Variants in GPHN observed in about 807,000 individuals in gnomAD.
GPHN encodes gephyrin.
A neutral mutation model predicts 95.5 loss-of-function variants in GPHN; 17 were observed. The ratio of observed to expected loss-of-function variants is 0.18; its 90% CI spans 0.12 to 0.27. The LOEUF (loss-of-function observed/expected upper bound fraction) is 0.27, where lower values mean the gene tolerates loss of function less well. Ranked by LOEUF, GPHN falls within the 10% of genes least tolerant of loss-of-function variation. The pLI is 1.00. For synonymous variants in GPHN, 320 were observed against 322.5 expected (o/e 0.99, Z 0.08); for missense variants, 660 against 978.1 (o/e 0.67, Z 4.34).
intron 1 of GPHN, among the ~76,000 whole-genome samples, chr14:66,539,044 C>T (rs1490916500): frequency 6.6e-6 from 1 of 152,120 alleles, no homozygotes; most frequent in Non-Finnish European, 1.5e-5. Context: ...TTGACATACT[C>T]AGATTTTTGA....
chr14:66,651,804 A>G (rs1019062892), intron 1 of GPHN, among the ~76,000 whole-genome samples: 4 of 151,968 alleles, frequency 2.6e-5, no homozygotes, highest in Admixed American at 6.6e-5. Flanking sequence ...AATATAAGCA[A>G]CACATTTTGG....
intron 9 of GPHN, 40 bp from the exon 10 acceptor site, chr14:67,023,593 C>T (rs1445501368): frequency 1.3e-6 from 2 of 1,564,868 alleles, no homozygotes; most frequent in East Asian, 2.2e-5. Flanking sequence ...CCTATTCATG[C>T]TATAAACCCT....
At chr14:67,695,538 G>A in the GPHN span, 5 of 1,293,204 alleles carry the variant, frequency 3.9e-6, no homozygotes, top group South Asian at 6.9e-5. Flanking sequence ...CCCCCCAGGG[G>A]AGTTTTCCAA....
chr14:67,627,101 G>A, the GPHN span, among the ~76,000 whole-genome samples: 3 of 152,216 alleles, frequency 2.0e-5, no homozygotes, highest in South Asian at 6.2e-4. Flanking sequence ...TCCGAAGGGT[G>A]ATGGGACTGT....
intron 1 of GPHN, among the ~76,000 whole-genome samples, chr14:66,515,546 A>G (rs2058206554): frequency 6.6e-6 from 1 of 152,204 alleles, no homozygotes; most frequent in Non-Finnish European, 1.5e-5. Flanking sequence ...ATATCTAAAA[A>G]CTAAAAATTT....
At chr14:67,557,407 C>T in the GPHN span, 2 of 1,613,234 alleles carry the variant, frequency 1.2e-6, no homozygotes, top group South Asian at 2.2e-5. Context: ...AGAGGCTCAG[C>T]TGGAGAAGCA....
At chr14:67,681,192 T>C in the GPHN span, among the ~76,000 whole-genome samples, 24 of 152,300 alleles carry the variant, frequency 1.6e-4, no homozygotes, top group African/African-American at 4.6e-4. Flanking sequence ...GGAAAGGCCA[T>C]GCGAGGGCTC....
At chr14:66,754,173 A>C (rs975836454) in intron 2 of GPHN, among the ~76,000 whole-genome samples, 1 of 152,088 alleles carries the variant, frequency 6.6e-6, no homozygotes, top group African/African-American at 2.4e-5. Context: ...ACATTCATTT[A>C]CAAGTGTTTG....
At chr14:67,658,410 C>T in the GPHN span, among the ~76,000 whole-genome samples, 2 of 151,880 alleles carry the variant, frequency 1.3e-5, no homozygotes, top group Non-Finnish European at 1.5e-5. Flanking sequence ...CTGGCTAACA[C>T]GGTGAAACCC....
chr14:66,957,933 A>T (rs562065487), intron 8 of GPHN, among the ~76,000 whole-genome samples: 1 of 152,234 alleles, frequency 6.6e-6, no homozygotes, highest in Admixed American at 6.5e-5. Flanking sequence ...AATTTAACTA[A>T]TCCCTGATGA....
At chr14:66,976,015 A>C (rs1199654427) in intron 9 of GPHN, among the ~76,000 whole-genome samples, 2 of 152,214 alleles carry the variant, frequency 1.3e-5, no homozygotes, top group Non-Finnish European at 2.9e-5. Flanking sequence ...ATCAACTAAA[A>C]AATATTTTTA....
At chr14:67,138,158 A>T (rs899497845) in intron 17 of GPHN, among the ~76,000 whole-genome samples, 18 of 152,336 alleles carry the variant, frequency 1.2e-4, no homozygotes, top group African/African-American at 3.8e-4. Flanking sequence ...AAAACACAGG[A>T]TGAGTTTGAA....
At chr14:67,720,312 A>G in the GPHN span, among the ~76,000 whole-genome samples, 3 of 152,198 alleles carry the variant, frequency 2.0e-5, no homozygotes, top group Non-Finnish European at 4.4e-5. Flanking sequence ...GCCTGTTATG[A>G]ATATTTCCCC....
chr14:67,704,998 G>A, the GPHN span, among the ~76,000 whole-genome samples: 1 of 152,204 alleles, frequency 6.6e-6, no homozygotes. Flanking sequence ...GTCCAGGGAG[G>A]TCACTCTGAA....
chr14:66,958,264 C>A (rs1303463479), intron 8 of GPHN, among the ~76,000 whole-genome samples: 2 of 152,002 alleles, frequency 1.3e-5, no homozygotes, highest in African/African-American at 4.8e-5. Flanking sequence ...GTTTTGGCTT[C>A]AAAGTTGATT....
At chr14:66,569,730 CAT>C (rs148644278) in intron 1 of GPHN, among the ~76,000 whole-genome samples, 39 of 150,530 alleles carry the variant, frequency 2.6e-4, no homozygotes, top group African/African-American at 4.9e-4. Flanking sequence ...TGTTTTGTTA[CAT>C]ATATATATAT....
the GPHN span, among the ~76,000 whole-genome samples, chr14:67,435,018 G>A: frequency 7.6e-6 from 1 of 132,422 alleles, no homozygotes; most frequent in Non-Finnish European, 1.6e-5. Context: ...CCAGGCTGGA[G>A]TGCAATAGTG....
At chr14:67,613,914 A>T in the GPHN span, 1 of 152,342 alleles carries the variant, frequency 6.6e-6, no homozygotes. Flanking sequence ...TGATGAAATA[A>T]ATTTGTTATA....
chr14:66,771,800 G>C (rs10149310), intron 2 of GPHN, among the ~76,000 whole-genome samples: 47,234 of 143,372 alleles, frequency 0.33, 11,929 homozygotes, highest in African/African-American at 0.69. Flanking sequence ...TGTTCAATTC[G>C]CACCTATGAG....
Sources: gnomAD v4.1 joint callset for allele counts (sites outside exome capture counted in the v4.1 genomes callset) on GRCh38, gnomAD v4.1.1 for gene constraint, MANE v1.5 for transcripts, NCBI Gene and HGNC (gene_info 2026-07-23, HGNC 2026-07-21) for gene names.